Variants in PLCE1 observed in about 807,000 individuals in gnomAD.
The protein encoded by PLCE1 is 1-phosphatidylinositol 4,5-bisphosphate phosphodiesterase epsilon-1.
Under a neutral mutation model 242.8 loss-of-function variants are expected in PLCE1, and 119 were observed. That is an observed-to-expected ratio of 0.49 (90% CI 0.42 to 0.57). The LOEUF (loss-of-function observed/expected upper bound fraction) is 0.57. Ranked by LOEUF, PLCE1 falls within the 20% of genes least tolerant of loss-of-function variation. PLCE1 has a pLI of 0.00. For missense variants in PLCE1, 2,441 were observed against 2,788.8 expected (o/e 0.88, Z 2.81); for synonymous variants, 945 against 1,017.4 (o/e 0.93, Z 1.35).
At chr10:94,242,957 G>C (rs866273019) in intron 7 of PLCE1, among the ~76,000 whole-genome samples, 7 of 152,152 alleles carry the variant, frequency 4.6e-5, no homozygotes, top group Admixed American at 2.6e-4. Flanking sequence ...TTGTGCAAAA[G>C]AATTCCCAAT....
At chr10:94,040,123 T>G (rs1263573660) in intron 2 of PLCE1, among the ~76,000 whole-genome samples, 1 of 152,176 alleles carries the variant, frequency 6.6e-6, no homozygotes, top group Admixed American at 6.5e-5. Context: ...CAAATATGAT[T>G]AAAAATTTTT....
Position 94,110,058 on chromosome 10 carries a change from CTTTTTTTTTTTTT to C in PLCE1, c.1207-22106_1207-22094del, listed in dbSNP as rs33974566. The stretch of plus-strand genomic sequence containing the variant: ...AGACCCTTTCCTTTTTTTCTTTTTT[CTTTTTTTTTTTTT>C]TTTTTTTTTGAGATGGAGTCTCGCT... On this transcript the variant is annotated intron_variant, in intron 2 of 32. Transcript: ENST00000371380. 5.5e-4 allele frequency among the ~76,000 whole-genome samples: 42 copies of C among 75,890 alleles called. 1 individual carries two copies. Among genetic ancestry groups the C allele is most frequent in the African/African-American group, 2.1e-3 (41 of 19,156 alleles). The allele number at this position is 75,890 out of a possible 152,430, so 49.8% of individuals were successfully genotyped here. A position where few individuals can be genotyped will look rare whatever the true frequency, so the allele number is the denominator to read the frequency against.
chr10:94,205,966 G>GA, intron 4 of PLCE1, among the ~76,000 whole-genome samples: 1 of 152,246 alleles, frequency 6.6e-6, no homozygotes, highest in Middle Eastern at 3.4e-3. Flanking sequence ...ATCCAGCAAC[G>GA]AAAAAACAAA....
intron 2 of PLCE1, chr10:94,106,232 T>C (rs2045728589): frequency 6.6e-6 from 1 of 152,250 alleles, no homozygotes. Context: ...TTCTTCCAGA[T>C]GCTTTTCTTA....
intron 30 of PLCE1, 68 bp downstream of exon 30, chr10:94,322,127 C>T: frequency 7.1e-7 from 1 of 1,400,716 alleles, no homozygotes; most frequent in Non-Finnish European, 1.0e-6. Flanking sequence ...AATGTCTGTG[C>T]ACTGATGGCT....
At chr10:94,182,566 G>T (rs1177458598) in intron 4 of PLCE1, among the ~76,000 whole-genome samples, 1 of 151,694 alleles carries the variant, frequency 6.6e-6, no homozygotes, top group African/African-American at 2.4e-5. Flanking sequence ...TACCATGCCT[G>T]GCCCCATCTT....
At chr10:94,132,720 G>A (rs2046639533) in intron 3 of PLCE1, among the ~76,000 whole-genome samples, 1 of 151,516 alleles carries the variant, frequency 6.6e-6, no homozygotes, top group South Asian at 2.1e-4. Context: ...GGAGGCCAAG[G>A]CGGGCGGATC....
chr10:94,023,557 A>G (rs1396601509), intron 1 of PLCE1, among the ~76,000 whole-genome samples: 4 of 152,068 alleles, frequency 2.6e-5, no homozygotes, highest in South Asian at 4.1e-4. Context: ...AACATCAATG[A>G]CCCATATTTC....
At chr10:94,098,340 T>G (rs2045393240) in intron 2 of PLCE1, among the ~76,000 whole-genome samples, 1 of 152,226 alleles carries the variant, frequency 6.6e-6, no homozygotes, top group South Asian at 2.1e-4. Flanking sequence ...CCAATATTGT[T>G]TTATCAATCT....
chr10:94,220,379 TATATA>T (rs2049691856), intron 4 of PLCE1, among the ~76,000 whole-genome samples: 2 of 30,962 alleles, frequency 6.5e-5, no homozygotes, highest in African/African-American at 2.4e-4. Context: ...AAACATTTTA[TATATA>T]TATATATATA....
At chr10:94,103,543 A>C (rs777250893) in intron 2 of PLCE1, among the ~76,000 whole-genome samples, 2 of 152,234 alleles carry the variant, frequency 1.3e-5, no homozygotes, top group Non-Finnish European at 2.9e-5. Flanking sequence ...TTTCAGTTTC[A>C]GTAATTGAGG....
In PLCE1 at chr10:94,330,622, G is replaced by A. The variant is rs760780659; in HGVS notation, c.*2679G>A. 4.0e-5 allele frequency: 6 copies of A among 151,366 alleles called. No homozygotes were observed. Among genetic ancestry groups the A allele is most frequent in the South Asian group, 2.1e-4 (1 of 4,808 alleles). 9.4% of individuals were successfully genotyped at this position (151,366 alleles called of 1,614,324 possible). A position where few individuals can be genotyped will look rare whatever the true frequency, so the allele number is the denominator to read the frequency against. ...GGAGAGAATTGCCTGAACTCAAGAC[G>A]CAGAGGTTGCAGTGAGTGGAGACTG... is the stretch of plus-strand genomic sequence containing the variant. On this transcript the variant is annotated 3_prime_UTR_variant, in exon 33 of 33. Transcript: ENST00000371380.
chr10:94,048,288 C>G (rs2043653959), intron 2 of PLCE1, among the ~76,000 whole-genome samples: 1 of 151,984 alleles, frequency 6.6e-6, no homozygotes, highest in African/African-American at 2.4e-5. Flanking sequence ...TTGGATATAT[C>G]CCTAGAAAGC....
chr10:94,166,423 A>G (rs540105009), intron 3 of PLCE1, among the ~76,000 whole-genome samples: 22 of 152,304 alleles, frequency 1.4e-4, no homozygotes, highest in African/African-American at 4.8e-4. Flanking sequence ...ACATAGGTAC[A>G]TGGAGATTCT....
chr10:94,028,810 G>T (rs1271029239), intron 1 of PLCE1, among the ~76,000 whole-genome samples: 1 of 152,010 alleles, frequency 6.6e-6, no homozygotes, highest in Non-Finnish European at 1.5e-5. Flanking sequence ...TTAGCCAAGC[G>T]CAGTGCTATA....
At chr10:93,994,628 T>C (rs1049831274) in intron 1 of PLCE1, among the ~76,000 whole-genome samples, 1 of 152,258 alleles carries the variant, frequency 6.6e-6, no homozygotes. Context: ...GAGAGATTTG[T>C]GTACATCAAG....
chr10:94,227,313 C>A lies in PLCE1; in HGVS notation c.1817C>A (p.Ser606Tyr). 6.2e-7 allele frequency: 1 copy of A among 1,614,102 alleles called. No homozygotes were observed. The highest frequency in any genetic ancestry group is 1.1e-5 in the South Asian group (1 of 91,080). Residue 606 changes from serine to tyrosine, a missense_variant, in exon 5 of 33, where the codon TCC becomes TAC. Ser to Tyr is a moderately radical substitution (Grantham distance 144). Transcript: ENST00000371380. ...DLVMRFNEVS[S>Y]WVTWLILTAG... ...TCTCTGTGTGTTTTCCAGGTGAGCTCCTGGGTGACATGGCTGATCCTCACG... is the reference window on the plus strand; with the variant it reads ...TCTCTGTGTGTTTTCCAGGTGAGCTACTGGGTGACATGGCTGATCCTCACG...
intron 2 of PLCE1, among the ~76,000 whole-genome samples, chr10:94,127,208 C>T (rs1257651525): frequency 6.6e-6 from 1 of 152,252 alleles, no homozygotes; most frequent in South Asian, 2.1e-4. Context: ...AACGTACCGA[C>T]TTTTCACAAC....
At chr10:94,209,289 G>A (rs2136916360) in intron 4 of PLCE1, among the ~76,000 whole-genome samples, 1 of 152,212 alleles carries the variant, frequency 6.6e-6, no homozygotes, top group African/African-American at 2.4e-5. Context: ...AGAGTTAAAA[G>A]GAAAAATATA....
Sources: gnomAD v4.1 joint callset for allele counts (sites outside exome capture counted in the v4.1 genomes callset) on GRCh38, gnomAD v4.1.1 for gene constraint, MANE v1.5 for transcripts, NCBI Gene and HGNC (gene_info 2026-07-23, HGNC 2026-07-21) for gene names.